Variants in ADAT2 observed in about 807,000 individuals in gnomAD.
The protein encoded by ADAT2 is tRNA-specific adenosine-34 deaminase catalytic subunit ADAT2.
In ADAT2, 26 loss-of-function variants were observed where a neutral mutation model predicts 25.9. That is an observed-to-expected ratio of 1.00 (90% CI 0.74 to 1.39). ADAT2 has a LOEUF of 1.39. ADAT2 is among the 40% of genes most tolerant of loss of function. ADAT2 has a pLI of 0.00. For missense variants in ADAT2, 220 were observed against 244.8 expected (o/e 0.90, Z 0.68); for synonymous variants, 76 against 86.8 (o/e 0.88, Z 0.69).
chr6:143,448,504 CA>C (rs922587473), intron 1 of ADAT2, among the ~76,000 whole-genome samples: 9 of 150,074 alleles, frequency 6.0e-5, no homozygotes, highest in Admixed American at 1.3e-4. Flanking sequence ...ATGTTACATA[CA>C]AAAAAAAAGG....
intron 1 of ADAT2, among the ~76,000 whole-genome samples, chr6:143,439,346 C>CAAAAAAAAAAAAAAA (rs35250658): frequency 1.9e-4 from 21 of 111,496 alleles, no homozygotes; most frequent in Non-Finnish European, 2.6e-4. Flanking sequence ...TATGTGTCTA[C>CAAAAAAAAAAAAAAA]AAAAAAAAAA....
intron 3 of ADAT2, among the ~76,000 whole-genome samples, 154 bp downstream of exon 3, chr6:143,433,677 A>G (rs1370890181): frequency 7.1e-6 from 1 of 141,402 alleles, no homozygotes; most frequent in Non-Finnish European, 1.6e-5. Flanking sequence ...TTACTATTTA[A>G]AAAGCTTTTC....
At position 143,437,442 on chromosome 6, in the gene ADAT2, T is replaced by C. The variant is rs1779322007; in HGVS notation, c.201+1148A>G. ...GTTCCTTTTATTTTCACTTCCCTTG[T>C]AATATTAGTCTCTCTGTTACTGATT... On this transcript the variant is annotated intron_variant, in intron 2 of 5. Transcript: ENST00000237283. The surrounding 1 kb of genome is among the most constrained non-coding windows in gnomAD (Gnocchi z 4.1). Among the ~76,000 whole-genome samples, 1 of 152,220 alleles carries C rather than the reference T, an allele frequency of 6.6e-6. No homozygotes were observed. The highest frequency in any genetic ancestry group is 1.5e-5 in the Non-Finnish European group (1 of 68,030).
chr6:143,443,150 A>T lies in ADAT2; in HGVS notation c.97-4456T>A, dbSNP rs896829446. ...GATGAGGAAACTGAGGCACAGGGAG[A>T]TTTTTTTTTATACATGTATATATCT... On this transcript the variant is annotated intron_variant, in intron 1 of 5. Coordinates refer to ENST00000237283, the MANE Select transcript of ADAT2 (RefSeq NM_182503.3). Among the ~76,000 whole-genome samples, 26 of 151,486 alleles carry T rather than the reference A, an allele frequency of 1.7e-4. No individual in the cohort carries two copies. The East Asian group carries it at 2.3e-3, about 14-fold the overall frequency.
At chr6:143,431,522 C>T (rs1779116027) in intron 4 of ADAT2, among the ~76,000 whole-genome samples, 1 of 152,148 alleles carries the variant, frequency 6.6e-6, no homozygotes, top group Non-Finnish European at 1.5e-5. Flanking sequence ...CCAATTGTAT[C>T]CTTTACTCTC....
rs1299223165 is a variant in ADAT2, at chr6:143,447,679, T to C, written c.96+2884A>G. Among the ~76,000 whole-genome samples, 3 of 151,786 alleles carry C rather than the reference T, an allele frequency of 2.0e-5. No individual in the cohort carries two copies. The East Asian group carries it at 5.8e-4, about 29-fold the overall frequency. On this transcript the variant is annotated intron_variant, in intron 1 of 5. Coordinates refer to ENST00000237283, the MANE Select transcript of ADAT2 (RefSeq NM_182503.3). ...AGAAAACATTAAAATATTTTCACTT[T>C]GGGAAAAAAAAAAAGGGCATTACTG...
chr6:143,450,428 C>T, intron 1 of ADAT2, 135 bp downstream of exon 1: 1 of 927,432 alleles, frequency 1.1e-6, no homozygotes, highest in Non-Finnish European at 1.7e-6. Context: ...GGCAGTAAAG[C>T]CAGTTGTTCA....
At position 143,438,680 on chromosome 6, in the gene ADAT2, G is replaced by C. The variant is rs761174003; in HGVS notation, c.111C>G (p.Leu37=). 2 of 1,613,268 alleles carry C rather than the reference G, an allele frequency of 1.2e-6. No individual in the cohort carries two copies. The highest frequency in any genetic ancestry group is 2.2e-5 in the East Asian group (1 of 44,860). The part of the protein sequence containing the change: ...EEAMHMAKEA[L]ENTEVPVGCL... ...AGCCAACAGGAACTTCAGTATTTTC[G>C]AGGGCTTCTTTGGCCTGAAACACAA... The change falls in exon 2 of 6, where the codon CTC becomes CTG. Residue 37 remains leucine, a synonymous_variant. Transcript: ENST00000237283.
At position 143,434,418 on chromosome 6, in the gene ADAT2, T is replaced by G. The variant is rs146875671; in HGVS notation, c.202-437A>C. 1.5e-3 allele frequency among the ~76,000 whole-genome samples: 228 copies of G among 152,360 alleles called. No homozygotes were observed. Among genetic ancestry groups the G allele is most frequent in the African/African-American group, 4.8e-3 (200 of 41,584 alleles). On this transcript the variant is annotated intron_variant, in intron 2 of 5. Coordinates refer to ENST00000237283, the MANE Select transcript of ADAT2 (RefSeq NM_182503.3). This position sits in a 1 kb window ranked among gnomAD's most constrained non-coding sequence, Gnocchi z 4.5. ...CACTCCAAGCAAATCTACATTAAGT[T>G]CACTGGAATGTCATCTCTTACACTT...
Position 143,432,454 on chromosome 6 carries a change from A to G in ADAT2, c.459+51T>C, listed in dbSNP as rs1279084642. Reference sequence around the variant, plus strand: ...ACACTAGTTATTCACAAGCCCATAAAGAGATGAAAATAATTAGCAAGAAAG... The same window carrying G: ...ACACTAGTTATTCACAAGCCCATAAGGAGATGAAAATAATTAGCAAGAAAG... On this transcript the variant is annotated intron_variant, in intron 4 of 5. Coordinates refer to ENST00000237283, the MANE Select transcript of ADAT2 (RefSeq NM_182503.3). The surrounding 1 kb of genome is among the most constrained non-coding windows in gnomAD (Gnocchi z 4.4). 6 of 1,504,920 alleles carry G rather than the reference A, an allele frequency of 4.0e-6. No individual in the cohort carries two copies. The Admixed American group carries it at 6.7e-5, about 17-fold the overall frequency. The allele number at this position is 1,504,920 out of a possible 1,614,324, so 93.2% of individuals were successfully genotyped here. A position where few individuals can be genotyped will look rare whatever the true frequency, so the allele number is the denominator to read the frequency against.
At chr6:143,435,339 T>C (rs1270274749) in intron 2 of ADAT2, among the ~76,000 whole-genome samples, 1 of 152,138 alleles carries the variant, frequency 6.6e-6, no homozygotes, top group Non-Finnish European at 1.5e-5. Context: ...GTTAATCACA[T>C]ACAGCTGGGA....
chr6:143,448,415 T>A (rs1358375613), intron 1 of ADAT2, among the ~76,000 whole-genome samples: 2 of 152,076 alleles, frequency 1.3e-5, no homozygotes, highest in African/African-American at 4.8e-5. Flanking sequence ...TTAAAAAAAG[T>A]AAATTAAACT....
chr6:143,450,673 C>CA lies in ADAT2; in HGVS notation c.-16dup, dbSNP rs769574676. 154 of 1,612,334 alleles carry CA rather than the reference C, an allele frequency of 9.6e-5. No homozygotes were observed. The highest frequency in any genetic ancestry group is 1.2e-4 in the Non-Finnish European group (147 of 1,179,838). ...TTCGCCTCCATACCCAGCCACCACTCAGCTACAGAGCCCGCGGCAGAGGAG... is the reference window on the plus strand; with the variant it reads ...TTCGCCTCCATACCCAGCCACCACTCAAGCTACAGAGCCCGCGGCAGAGGAG... On this transcript the variant is annotated 5_prime_UTR_variant, in exon 1 of 6. Transcript: ENST00000237283.
In ADAT2 at chr6:143,425,754, T is replaced by A. The variant is rs1207126486; in HGVS notation, c.*2709A>T. 6.6e-6 allele frequency: 1 copy of A among 151,332 alleles called. No individual in the cohort carries two copies. The highest frequency in any genetic ancestry group is 1.5e-5 in the Non-Finnish European group (1 of 67,770). 9.4% of individuals were successfully genotyped at this position (151,332 alleles called of 1,614,324 possible). A position where few individuals can be genotyped will look rare whatever the true frequency, so the allele number is the denominator to read the frequency against. On this transcript the variant is annotated 3_prime_UTR_variant, in exon 6 of 6. Coordinates refer to ENST00000237283, the MANE Select transcript of ADAT2 (RefSeq NM_182503.3). The stretch of plus-strand genomic sequence containing the variant: ...GTGTTTGTGTGTGTGTGTGTGTGTG[T>A]GTGTGTGTGTGTGTGTGTGTGTGTA...
chr6:143,440,446 A>C lies in ADAT2; in HGVS notation c.97-1752T>G, dbSNP rs1779425393. On this transcript the variant is annotated intron_variant, in intron 1 of 5. Coordinates refer to ENST00000237283, the MANE Select transcript of ADAT2 (RefSeq NM_182503.3). The surrounding 1 kb of genome is among the most constrained non-coding windows in gnomAD (Gnocchi z 4.5). ...CACTTATTCTTCATTTGGCCATTAG[A>C]GGAAAAAGGAGACGCCCACAGCAGG... Among the ~76,000 whole-genome samples the C allele has an allele frequency of 6.6e-6, 1 of 152,194 alleles. No individual in the cohort carries two copies. The highest frequency in any genetic ancestry group is 2.4e-5 in the African/African-American group (1 of 41,446).
chr6:143,448,180 T>C (rs991182683), intron 1 of ADAT2, among the ~76,000 whole-genome samples: 16 of 151,826 alleles, frequency 1.1e-4, no homozygotes, highest in African/African-American at 2.7e-4. Context: ...ATGTTCTCAC[T>C]CATAGATGGG....
intron 1 of ADAT2, chr6:143,441,845 A>G (rs1393374750): frequency 6.6e-6 from 1 of 152,214 alleles, no homozygotes; most frequent in Non-Finnish European, 1.5e-5. Context: ...TAAAACCACA[A>G]TGAGGTATCA....
In ADAT2 at chr6:143,440,632, G is replaced by A. The variant is rs139226673; in HGVS notation, c.97-1938C>T. Among the ~76,000 whole-genome samples, 59 of 152,276 alleles carry A rather than the reference G, an allele frequency of 3.9e-4. No homozygotes were observed. The highest frequency in any genetic ancestry group is 1.3e-3 in the African/African-American group (53 of 41,558). On this transcript the variant is annotated intron_variant, in intron 1 of 5. Coordinates refer to ENST00000237283, the MANE Select transcript of ADAT2 (RefSeq NM_182503.3). The surrounding 1 kb of genome is among the most constrained non-coding windows in gnomAD (Gnocchi z 4.5). ...TCCCAGTTCTGTGACAGTGGTTAAA[G>A]CATGTCCAGTTTATGCAAGTTCAAA...
Position 143,442,602 on chromosome 6 carries a change from T to C in ADAT2, c.97-3908A>G, listed in dbSNP as rs115157635. ...GATACTGAACTATAGCTATGCAAGA[T>C]GTTACCACTGAAGGACACTAGACAC... On this transcript the variant is annotated intron_variant, in intron 1 of 5. Coordinates refer to ENST00000237283, the MANE Select transcript of ADAT2 (RefSeq NM_182503.3). This position sits in a 1 kb window ranked among gnomAD's most constrained non-coding sequence, Gnocchi z 4.6. Among the ~76,000 whole-genome samples the C allele has an allele frequency of 0.043, 6,561 of 152,234 alleles. 481 individuals carry two copies. The highest frequency in any genetic ancestry group is 0.15 in the African/African-American group (6,169 of 41,506).
Sources: gnomAD v4.1 joint callset for allele counts (sites outside exome capture counted in the v4.1 genomes callset) on GRCh38, gnomAD v4.1.1 for gene constraint, Gnocchi (gnomAD v3.1) non-coding constraint, MANE v1.5 for transcripts, NCBI Gene and HGNC (gene_info 2026-07-23, HGNC 2026-07-21) for gene names.